The following DPYD variants were observed in gnomAD, a reference collection of about 807,000 sequenced individuals.
DPYD encodes the protein dihydropyrimidine dehydrogenase.
In DPYD, 109 loss-of-function variants were observed where a neutral mutation model predicts 116.2. The ratio of observed to expected loss-of-function variants is 0.94; its 90% CI spans 0.80 to 1.10. DPYD has a LOEUF of 1.10. Among genes scored for constraint, DPYD ranks in the 50% least tolerant of loss-of-function variants. DPYD has a pLI of 0.00. For synonymous variants in DPYD, 440 were observed against 432.0 expected, an observed-to-expected ratio of 1.02 and a Z score of -0.23; for missense variants, 1,302 against 1,254.5, an observed-to-expected ratio of 1.04 and a Z score of -0.57.
At chr1:97,458,565 G>A (rs1469312910) in intron 13 of DPYD, among the ~76,000 whole-genome samples, 1 of 152,160 alleles carries the variant, frequency 6.6e-6, no homozygotes, top group Non-Finnish European at 1.5e-5. Context: ...TATAAACTGA[G>A]TTACAAACAT....
At chr1:97,103,658 T>C (rs1650921743) in intron 20 of DPYD, among the ~76,000 whole-genome samples, 1 of 152,240 alleles carries the variant, frequency 6.6e-6, no homozygotes, top group South Asian at 2.1e-4. Context: ...AACATTCACA[T>C]AGTGATGAGG....
chr1:97,853,463 T>C (rs761502093), intron 2 of DPYD, among the ~76,000 whole-genome samples: 2 of 152,184 alleles, frequency 1.3e-5, no homozygotes, highest in African/African-American at 2.4e-5. Context: ...CATCAGTCTT[T>C]ATGATATTGC....
intron 3 of DPYD, 97 bp downstream of exon 3, chr1:97,828,017 C>T: frequency 8.7e-7 from 1 of 1,150,454 alleles, no homozygotes; most frequent in Non-Finnish European, 1.3e-6. Context: ...GAGAACAGAG[C>T]TGAATGGTGG....
chr1:97,674,019 G>A (rs1432422473), intron 8 of DPYD, among the ~76,000 whole-genome samples: 5 of 152,276 alleles, frequency 3.3e-5, no homozygotes, highest in South Asian at 2.1e-4. Flanking sequence ...CCTTCGTGGG[G>A]ACTTTTCTTT....
intron 20 of DPYD, among the ~76,000 whole-genome samples, chr1:97,181,792 T>G (rs1040914658): frequency 6.6e-6 from 1 of 152,186 alleles, no homozygotes; most frequent in Non-Finnish European, 1.5e-5. Flanking sequence ...CCTATCTATC[T>G]ATGCCTCTCC....
intron 8 of DPYD, among the ~76,000 whole-genome samples, chr1:97,636,350 G>T (rs1410974364): frequency 6.6e-6 from 1 of 151,600 alleles, no homozygotes; most frequent in Non-Finnish European, 1.5e-5. Context: ...CTTTCTCTAG[G>T]TCTCTATTTC....
intron 14 of DPYD, 151 bp downstream of exon 14, chr1:97,449,908 T>A: frequency 9.9e-7 from 1 of 1,014,456 alleles, no homozygotes; most frequent in South Asian, 1.6e-5. Context: ...CTTTTCTTTC[T>A]TTTTTATCTT....
At chr1:97,887,867 G>A (rs1397367281) in intron 1 of DPYD, among the ~76,000 whole-genome samples, 1 of 152,004 alleles carries the variant, frequency 6.6e-6, no homozygotes, top group African/African-American at 2.4e-5. Flanking sequence ...CTCACGATAT[G>A]TGATGGTTTT....
intron 18 of DPYD, among the ~76,000 whole-genome samples, chr1:97,268,007 A>G (rs1664343119): frequency 2.0e-5 from 3 of 152,194 alleles, no homozygotes; most frequent in African/African-American, 7.2e-5. Flanking sequence ...CAAAAACACA[A>G]TGGTGAGACA....
At chr1:97,898,340 C>T (rs1673185853) in intron 1 of DPYD, among the ~76,000 whole-genome samples, 1 of 151,860 alleles carries the variant, frequency 6.6e-6, no homozygotes, top group African/African-American at 2.4e-5. Flanking sequence ...TTCTGTTCTA[C>T]AAACTCTAGC....
At chr1:97,849,692 T>C (rs1382250867) in intron 2 of DPYD, among the ~76,000 whole-genome samples, 1 of 152,126 alleles carries the variant, frequency 6.6e-6, no homozygotes, top group Non-Finnish European at 1.5e-5. Flanking sequence ...TTAATAATAA[T>C]GATAAAAATA....
chr1:97,542,059 C>T (rs1650487681), intron 12 of DPYD, among the ~76,000 whole-genome samples: 1 of 152,044 alleles, frequency 6.6e-6, no homozygotes, highest in South Asian at 2.1e-4. Flanking sequence ...ACATTAATAC[C>T]AGATCTGACA....
At chr1:97,560,494 G>C (rs551874493) in intron 11 of DPYD, among the ~76,000 whole-genome samples, 2 of 150,634 alleles carry the variant, frequency 1.3e-5, no homozygotes, top group African/African-American at 4.9e-5. Flanking sequence ...TTCTTCCCAG[G>C]TGTTTCATAA....
At chr1:97,697,532 G>T (rs757154651) in intron 6 of DPYD, among the ~76,000 whole-genome samples, 1 of 151,966 alleles carries the variant, frequency 6.6e-6, no homozygotes, top group Non-Finnish European at 1.5e-5. Context: ...GACACAGAAT[G>T]CCTGTACCAT....
At chr1:97,487,124 T>C (rs978093356) in intron 13 of DPYD, among the ~76,000 whole-genome samples, 2 of 152,176 alleles carry the variant, frequency 1.3e-5, no homozygotes, top group Non-Finnish European at 2.9e-5. Flanking sequence ...TTGACCCATT[T>C]GAAATTAAAG....
intron 1 of DPYD, among the ~76,000 whole-genome samples, chr1:97,888,770 T>C (rs1241436173): frequency 6.6e-6 from 1 of 152,030 alleles, no homozygotes; most frequent in Non-Finnish European, 1.5e-5. Context: ...ATGACTCCTA[T>C]ACCCAACAAA....
chr1:97,300,408 A>T (rs1458280040), intron 18 of DPYD, among the ~76,000 whole-genome samples: 2 of 152,158 alleles, frequency 1.3e-5, no homozygotes, highest in Admixed American at 1.3e-4. Context: ...TTTTTCTAAA[A>T]GCAATTTATG....
At chr1:97,763,603 T>C (rs1665697885) in intron 3 of DPYD, among the ~76,000 whole-genome samples, 1 of 152,048 alleles carries the variant, frequency 6.6e-6, no homozygotes, top group South Asian at 2.1e-4. Context: ...TAGTCTAGTT[T>C]GTCATACACA....
intron 8 of DPYD, among the ~76,000 whole-genome samples, chr1:97,649,810 A>C (rs1658480805): frequency 6.6e-6 from 1 of 152,076 alleles, no homozygotes; most frequent in South Asian, 2.1e-4. Context: ...TCCTGGAAGA[A>C]AACAGAAACT....
Sources: gnomAD v4.1 joint callset for allele counts (sites outside exome capture counted in the v4.1 genomes callset) on GRCh38, gnomAD v4.1.1 for gene constraint, MANE v1.5 for transcripts, NCBI Gene and HGNC (gene_info 2026-07-23, HGNC 2026-07-21) for gene names.